Variants in MDH1 observed in about 807,000 individuals in gnomAD.
The protein encoded by MDH1 is malate dehydrogenase 1.
MDH1 carries 15 observed loss-of-function variants against 38.7 expected under a neutral mutation model. The ratio of observed to expected loss-of-function variants is 0.39; its 90% CI spans 0.26 to 0.60. The LOEUF is 0.60. Ranked by LOEUF, MDH1 falls within the 20% of genes least tolerant of loss-of-function variation. The probability of loss-of-function intolerance (pLI) is 0.56; values close to 1 mark genes in which losing one functional copy is unlikely to be tolerated. For missense variants in MDH1, 368 were observed against 405.2 expected (o/e 0.91, Z 0.79); for synonymous variants, 144 against 143.6 (o/e 1.00, Z -0.02).
At chr2:63,592,673 T>C (rs1416623199) in intron 1 of MDH1, among the ~76,000 whole-genome samples, 1 of 152,204 alleles carries the variant, frequency 6.6e-6, no homozygotes, top group Non-Finnish European at 1.5e-5. Context: ...ATAAATAAAA[T>C]ATCTTAAAAA....
intron 3 of MDH1, 140 bp from the exon 4 acceptor site, chr2:63,597,259 C>T (rs2106611094): frequency 1.6e-6 from 2 of 1,234,462 alleles, no homozygotes; most frequent in Non-Finnish European, 2.0e-6. Flanking sequence ...TTATCTTTCT[C>T]AGGCTCCTGA....
intron 6 of MDH1, 126 bp from the exon 7 acceptor site, chr2:63,605,154 C>A: frequency 1.5e-6 from 1 of 682,408 alleles, no homozygotes; most frequent in Non-Finnish European, 2.5e-6. Context: ...TGGGTTGTTG[C>A]ATGATTTTGG....
At chr2:63,597,892 T>C (rs1678716488) in intron 4 of MDH1, 1 of 167,480 alleles carries the variant, frequency 6.0e-6, no homozygotes, top group Non-Finnish European at 1.3e-5. Flanking sequence ...TATTTAGACA[T>C]TTAAATTTGT....
intron 4 of MDH1, 30 bp from the exon 5 acceptor site, chr2:63,599,140 T>C: frequency 2.5e-6 from 4 of 1,610,876 alleles, no homozygotes; most frequent in African/African-American, 2.7e-5. Context: ...ATATAGTCTG[T>C]AACTCTTCAG....
At chr2:63,590,551 G>A (rs1372566721) in intron 1 of MDH1, 1 of 152,132 alleles carries the variant, frequency 6.6e-6, no homozygotes, top group Non-Finnish European at 1.5e-5. Flanking sequence ...TAGATTACTT[G>A]ATAGCTTTAT....
intron 5 of MDH1, among the ~76,000 whole-genome samples, chr2:63,602,274 A>G (rs1709433127): frequency 6.6e-6 from 1 of 151,796 alleles, no homozygotes; most frequent in African/African-American, 2.4e-5. Flanking sequence ...TATGAAGACC[A>G]GTCGAGTCAT....
chr2:63,598,459 A>G (rs1269982590), intron 4 of MDH1, among the ~76,000 whole-genome samples: 1 of 152,190 alleles, frequency 6.6e-6, no homozygotes, highest in East Asian at 1.9e-4. Flanking sequence ...ACTATCAATT[A>G]ACTAGAACTT....
At chr2:63,594,373 T>C in intron 1 of MDH1, 115 bp from the exon 2 acceptor site, 1 of 870,296 alleles carries the variant, frequency 1.1e-6, no homozygotes, top group Non-Finnish European at 2.0e-6. Context: ...CAAAAGGACT[T>C]TAAAATTTTA....
rs1575727535 is a variant in MDH1 at position 63,605,962 on chromosome 2, T to C, written c.813T>C (p.Val271=). Residue 271 remains valine (V), a synonymous_variant, in exon 8 of 9, where the codon GTT becomes GTC. Transcript: ENST00000233114. ...AGGGAGAGTTTGTGTCCATGGGTGT[T>C]ATCTCTGATGGCAACTCCTATGGTG... is the stretch of plus-strand genomic sequence containing the variant. The part of the protein sequence containing the change: ...TPEGEFVSMG[V]ISDGNSYGVP... The C allele has an allele frequency of 5.0e-6, 8 of 1,614,140 alleles. No homozygotes were observed. Among genetic ancestry groups the C allele is most frequent in the Non-Finnish European group, 6.8e-6 (8 of 1,179,944 alleles).
intron 1 of MDH1, among the ~76,000 whole-genome samples, chr2:63,591,496 A>G (rs1709201092): frequency 6.6e-6 from 1 of 152,234 alleles, no homozygotes; most frequent in African/African-American, 2.4e-5. Context: ...TACTGTGAAC[A>G]TGTTTTTAAG....
intron 1 of MDH1, among the ~76,000 whole-genome samples, chr2:63,593,941 G>A (rs1241106368): frequency 2.0e-5 from 3 of 152,104 alleles, no homozygotes; most frequent in Non-Finnish European, 4.4e-5. Flanking sequence ...TTGGAATCAG[G>A]TTGTCAGCTG....
At chr2:63,601,832 T>C (rs781229599) in intron 5 of MDH1, among the ~76,000 whole-genome samples, 56 of 152,244 alleles carry the variant, frequency 3.7e-4, no homozygotes, top group Non-Finnish European at 6.5e-4. Context: ...CCTGGTAATA[T>C]ATATCTTGAG....
chr2:63,589,157 C>T (rs1012782771), intron 1 of MDH1, 111 bp downstream of exon 1: 4 of 1,612,006 alleles, frequency 2.5e-6, no homozygotes, highest in Admixed American at 1.7e-5. Context: ...CTGTCCTTCG[C>T]GCCCTTTGGC....
At position 63,594,605 on chromosome 2, in the gene MDH1, A is replaced by AT; in HGVS notation, c.102+19_102+20insT. 1 of 1,522,128 alleles carries AT rather than the reference A, an allele frequency of 6.6e-7. No homozygotes were observed. The highest frequency in any genetic ancestry group is 1.1e-5 in the South Asian group (1 of 87,686). The allele number at this position is 1,522,128 out of a possible 1,614,324, so 94.3% of individuals were successfully genotyped here. A position where few individuals can be genotyped will look rare whatever the true frequency, so the allele number is the denominator to read the frequency against. On this transcript the variant is annotated intron_variant, in intron 2 of 8. Transcript: ENST00000233114. Reference sequence around the variant, plus strand: ...AGATCAGGTAGGAACAGGTGTCTATAAATCTTAAGTTATTAGAGTAAGAAT... The same window carrying AT: ...AGATCAGGTAGGAACAGGTGTCTATATAATCTTAAGTTATTAGAGTAAGAAT...
Position 63,597,556 on chromosome 2 carries a change from C to A in MDH1, c.357C>A (p.Tyr119Ter). The change falls in exon 4 of 9, where the codon TAC becomes TAA. Residue 119 changes from tyrosine to a stop codon, truncating the protein, a stop_gained. Transcript: ENST00000233114. LOFTEE classifies it high-confidence loss of function. ...FKSQGAALDK[Y>*]AKKSVKVIVV... is the part of the protein sequence containing the mutation. ...CCCAGGGTGCAGCCTTAGATAAATA[C>A]GCCAAGAAGTCAGTTAAGGTGACCA... 4 of 1,420,560 alleles carry A rather than the reference C, an allele frequency of 2.8e-6. No homozygotes were observed. The highest frequency in any genetic ancestry group is 3.7e-6 in the Non-Finnish European group (4 of 1,074,500). 88.0% of individuals were successfully genotyped at this position (1,420,560 alleles called of 1,614,324 possible).
At chr2:63,604,284 C>T (rs1177436586) in intron 5 of MDH1, among the ~76,000 whole-genome samples, 1 of 152,092 alleles carries the variant, frequency 6.6e-6, no homozygotes, top group Admixed American at 6.5e-5. Flanking sequence ...TGCCTAAATA[C>T]CTGATTACTC....
chr2:63,593,459 T>C (rs1709241046), intron 1 of MDH1: 17 of 434,484 alleles, frequency 3.9e-5, no homozygotes, highest in South Asian at 2.7e-4. Context: ...AATTGCTGAG[T>C]GCTGCTAACT....
At chr2:63,594,303 G>A in intron 1 of MDH1, 185 bp from the exon 2 acceptor site, 1 of 704,036 alleles carries the variant, frequency 1.4e-6, no homozygotes, top group South Asian at 1.4e-5. Flanking sequence ...TCCCTACATG[G>A]TGAGAGTTAA....
chr2:63,602,925 T>C (rs942532896), intron 5 of MDH1, among the ~76,000 whole-genome samples: 1 of 148,878 alleles, frequency 6.7e-6, no homozygotes, highest in African/African-American at 2.5e-5. Context: ...TACAGTTTAT[T>C]TAACCGTTCT....
Sources: allele counts gnomAD v4.1 joint callset (sites outside exome capture counted in the v4.1 genomes callset), GRCh38; gene constraint gnomAD v4.1.1; transcripts MANE v1.5; gene names NCBI Gene and HGNC (gene_info 2026-07-23, HGNC 2026-07-21).